The following CHD1 variants were observed in gnomAD, a reference collection of about 807,000 sequenced individuals.
CHD1 encodes ATP-dependent chromatin remodeler CHD1.
Under a neutral mutation model 224.2 loss-of-function variants are expected in CHD1, and 36 were observed. That is an observed-to-expected ratio of 0.16 (90% CI 0.12 to 0.21). The LOEUF (loss-of-function observed/expected upper bound fraction) is 0.21, where lower values mean the gene tolerates loss of function less well. Among genes scored for constraint, CHD1 ranks in the 10% least tolerant of loss-of-function variants. CHD1 has a pLI of 1.00. For missense variants in CHD1, 1,378 were observed against 1,994.8 expected (o/e 0.69, Z 5.89); for synonymous variants, 668 against 658.3 (o/e 1.01, Z -0.23).
chr5:98,926,390 AAATT>A lies in CHD1; in HGVS notation c.-8_-5del. 2 of 1,470,798 alleles carry A rather than the reference AAATT, an allele frequency of 1.4e-6. No individual in the cohort carries two copies. Among genetic ancestry groups the A allele is most frequent in the Non-Finnish European group, 1.8e-6 (2 of 1,094,432 alleles). 91.1% of individuals were successfully genotyped at this position (1,470,798 alleles called of 1,614,324 possible). On this transcript the variant is annotated 5_prime_UTR_variant, in exon 2 of 36. Coordinates refer to ENST00000614616, the MANE Select transcript of CHD1 (RefSeq NM_001270.4). ...CTTCATCACTGTGTCCATTCATTGT[AAATT>A]ATTATCAAGAAGTTTTAAAGTAAAA...
chr5:98,866,191 C>A (rs921350342), intron 31 of CHD1, among the ~76,000 whole-genome samples: 5 of 151,720 alleles, frequency 3.3e-5, no homozygotes, highest in Non-Finnish European at 5.9e-5. Context: ...TGTGAACCTG[C>A]AGAGGAGATA....
At chr5:98,917,413 T>G (rs1273336501) in intron 2 of CHD1, among the ~76,000 whole-genome samples, 1 of 152,144 alleles carries the variant, frequency 6.6e-6, no homozygotes, top group South Asian at 2.1e-4. Flanking sequence ...GCATTTACAG[T>G]ATCCACCTGA....
chr5:98,908,443 A>G (rs905419374), intron 2 of CHD1, among the ~76,000 whole-genome samples: 1 of 152,176 alleles, frequency 6.6e-6, no homozygotes, highest in Non-Finnish European at 1.5e-5. Context: ...TACCCTACCT[A>G]AGACCTTATG....
intron 18 of CHD1, among the ~76,000 whole-genome samples, chr5:98,884,682 A>G (rs1029262960): frequency 2.0e-5 from 3 of 151,886 alleles, no homozygotes; most frequent in African/African-American, 7.3e-5. Context: ...TTTTTAAAGG[A>G]AAGTGGGCTA....
At chr5:98,856,921 A>G (rs1475819581) in intron 35 of CHD1, among the ~76,000 whole-genome samples, 196 bp from the exon 36 acceptor site, 1 of 152,178 alleles carries the variant, frequency 6.6e-6, no homozygotes, top group African/African-American at 2.4e-5. Context: ...TTTGATTCAT[A>G]AAACTAAAGC....
chr5:98,902,039 A>C (rs572515030), intron 5 of CHD1, among the ~76,000 whole-genome samples: 164 of 152,244 alleles, frequency 1.1e-3, no homozygotes, highest in Non-Finnish European at 1.9e-3. Context: ...ATATGATAAA[A>C]TCTGCTTATG....
chr5:98,899,762 T>C (rs1751572918), intron 7 of CHD1, 57 bp from the exon 8 acceptor site: 1 of 1,269,162 alleles, frequency 7.9e-7, no homozygotes, highest in South Asian at 1.3e-5. Flanking sequence ...AGGATTATAT[T>C]TCAACTCAAA....
At chr5:98,904,823 G>T in intron 3 of CHD1, 74 bp downstream of exon 3, 1 of 1,276,214 alleles carries the variant, frequency 7.8e-7, no homozygotes, top group Non-Finnish European at 1.1e-6. Context: ...ATTAAGAATG[G>T]TATAAACCAA....
intron 2 of CHD1, among the ~76,000 whole-genome samples, 180 bp from the exon 3 acceptor site, chr5:98,905,278 A>T (rs1001837822): frequency 2.0e-5 from 3 of 152,318 alleles, no homozygotes; most frequent in African/African-American, 7.2e-5. Flanking sequence ...CATAGTTGAT[A>T]ATTTATTTAT....
At chr5:98,869,615 TGCGCGC>T in intron 30 of CHD1, 133 bp downstream of exon 30, 1 of 725,536 alleles carries the variant, frequency 1.4e-6, no homozygotes, top group African/African-American at 2.4e-5. Context: ...CGTGCGCACG[TGCGCGC>T]GCACACACAC....
rs1220898989 is a variant in CHD1, at chr5:98,905,250, A to C, written c.54-152T>G. On this transcript the variant is annotated intron_variant, in intron 2 of 35. Transcript: ENST00000614616. ...AAAAAAAGAAAAAGGAATTGATTTA[A>C]TCTATAGTAACAACTGCCATAGTTG... The C allele has an allele frequency of 4.8e-6, 4 of 832,946 alleles. No individual in the cohort carries two copies. The Admixed American group carries it at 8.6e-5, about 18-fold the overall frequency. The allele number at this position is 832,946 out of a possible 1,614,324, so 51.6% of individuals were successfully genotyped here.
intron 2 of CHD1, among the ~76,000 whole-genome samples, chr5:98,924,360 A>T (rs999113758): frequency 3.3e-5 from 5 of 152,264 alleles, no homozygotes; most frequent in African/African-American, 1.2e-4. Context: ...CAAAGCTCAG[A>T]TTCAAAAGTC....
At chr5:98,906,942 T>C (rs1752083973) in intron 2 of CHD1, among the ~76,000 whole-genome samples, 2 of 152,196 alleles carry the variant, frequency 1.3e-5, no homozygotes, top group Admixed American at 6.5e-5. Context: ...TTTTCCAGAA[T>C]ACCTAGCAGA....
chr5:98,918,113 C>T (rs1416169118), intron 2 of CHD1, among the ~76,000 whole-genome samples: 2 of 150,924 alleles, frequency 1.3e-5, no homozygotes, highest in African/African-American at 4.9e-5. Context: ...GCTGGAGTGC[C>T]GTGGCACGAT....
intron 2 of CHD1, among the ~76,000 whole-genome samples, chr5:98,921,820 C>G (rs909786201): frequency 6.6e-6 from 1 of 152,054 alleles, no homozygotes; most frequent in Non-Finnish European, 1.5e-5. Context: ...TATAGCCATT[C>G]CTGAAGTAAA....
intron 2 of CHD1, among the ~76,000 whole-genome samples, chr5:98,908,228 C>A (rs890518483): frequency 1.3e-5 from 2 of 152,132 alleles, no homozygotes; most frequent in African/African-American, 4.8e-5. Context: ...CCACTTCCTG[C>A]CTTTGTACCA....
At chr5:98,918,586 G>T (rs1752895962) in intron 2 of CHD1, among the ~76,000 whole-genome samples, 1 of 150,704 alleles carries the variant, frequency 6.6e-6, no homozygotes, top group Admixed American at 6.6e-5. Context: ...TGGCCAACAT[G>T]GTGAAACCCC....
At chr5:98,894,139 T>C (rs1000975720) in intron 13 of CHD1, among the ~76,000 whole-genome samples, 2 of 152,226 alleles carry the variant, frequency 1.3e-5, no homozygotes, top group Non-Finnish European at 2.9e-5. Flanking sequence ...TTGAGACTGA[T>C]TTTCTTTTCC....
chr5:98,926,164 G>GA (rs1326259847), intron 2 of CHD1, among the ~76,000 whole-genome samples, 170 bp downstream of exon 2: 4 of 151,926 alleles, frequency 2.6e-5, no homozygotes, highest in African/African-American at 9.7e-5. Context: ...CCTGTATTAT[G>GA]AAAAAAGGTT....
Sources: allele counts gnomAD v4.1 joint callset (sites outside exome capture counted in the v4.1 genomes callset), GRCh38; gene constraint gnomAD v4.1.1; transcripts MANE v1.5; gene names NCBI Gene and HGNC (gene_info 2026-07-23, HGNC 2026-07-21).